HADH: variants seen among roughly 807,000 people sequenced by gnomAD.
HADH encodes the protein hydroxyacyl-CoA dehydrogenase.
A neutral mutation model predicts 32.2 loss-of-function variants in HADH; 24 were observed. The ratio of observed to expected loss-of-function variants is 0.75; its 90% CI spans 0.54 to 1.05. HADH has a LOEUF of 1.05. Ranked by LOEUF, HADH falls within the 50% of genes least tolerant of loss-of-function variation. The probability of loss-of-function intolerance (pLI) is 0.00; values close to 1 mark genes in which losing one functional copy is unlikely to be tolerated. For missense variants in HADH, 350 were observed against 397.1 expected, an observed-to-expected ratio of 0.88 and a Z score of 1.01; for synonymous variants, 139 against 152.5, an observed-to-expected ratio of 0.91 and a Z score of 0.65.
Position 108,032,348 on chromosome 4 carries a change from C to G in HADH, c.710-828C>G, listed in dbSNP as rs1354489987. Reference sequence around the variant, plus strand: ...ACAGACTTCCAAACGTGTGGTGATTCTAACTCGGGTTTGGGCTTTTCTTTA... The same window carrying G: ...ACAGACTTCCAAACGTGTGGTGATTGTAACTCGGGTTTGGGCTTTTCTTTA... On this transcript the variant is annotated intron_variant, in intron 6 of 7. Transcript: ENST00000309522. The G allele has an allele frequency of 4.4e-6, 7 of 1,601,692 alleles. No individual in the cohort carries two copies. The Admixed American group carries it at 1.2e-4, about 27-fold the overall frequency.
chr4:108,021,092 G>T (rs982726405), intron 4 of HADH, among the ~76,000 whole-genome samples: 2 of 152,156 alleles, frequency 1.3e-5, no homozygotes, highest in Non-Finnish European at 2.9e-5. Context: ...ATTGAAGAAT[G>T]AAGGGGAGGG....
intron 2 of HADH, among the ~76,000 whole-genome samples, chr4:108,013,400 A>G (rs1215681808): frequency 6.6e-6 from 1 of 152,130 alleles, no homozygotes; most frequent in African/African-American, 2.4e-5. Context: ...ACTTTCAGCT[A>G]ATTGTCTCCT....
rs558200035 is a variant in HADH at position 108,004,948 on chromosome 4, G to A, written c.133-4811G>A. 65 of 1,482,974 alleles carry A rather than the reference G, an allele frequency of 4.4e-5. No individual in the cohort carries two copies. In the African/African-American group the frequency reaches 8.5e-4, roughly 19 times the overall value. The allele number at this position is 1,482,974 out of a possible 1,614,324, so 91.9% of individuals were successfully genotyped here. On this transcript the variant is annotated intron_variant, in intron 1 of 7. Transcript: ENST00000309522. ...ATGACCCTAAACTAGTATTCAGGAT[G>A]TTATGTGGTACTAAAAGGAATGTTA...
chr4:108,000,913 T>C (rs1230288303), intron 1 of HADH, among the ~76,000 whole-genome samples: 4 of 152,200 alleles, frequency 2.6e-5, no homozygotes, highest in Admixed American at 2.0e-4. Flanking sequence ...TCAAGGCATG[T>C]GATAAGTACT....
intron 1 of HADH, among the ~76,000 whole-genome samples, chr4:108,005,603 C>T (rs1560726131): frequency 6.6e-6 from 1 of 152,156 alleles, no homozygotes; most frequent in Non-Finnish European, 1.5e-5. Flanking sequence ...GTCATATGCT[C>T]ATTTAATCCA....
At chr4:108,033,402 A>T in intron 7 of HADH, 110 bp downstream of exon 7, 1 of 741,740 alleles carries the variant, frequency 1.3e-6, no homozygotes, top group South Asian at 1.4e-5. Flanking sequence ...GACCTTCCAA[A>T]ATCCTGCCTC....
At chr4:107,992,471 C>A (rs73838291) in intron 1 of HADH, among the ~76,000 whole-genome samples, 1,602 of 152,318 alleles carry the variant, frequency 0.011, 25 homozygotes, top group African/African-American at 0.037. Flanking sequence ...CTTTATGCTC[C>A]TTGACCAACA....
At chr4:108,013,742 T>C (rs943980824) in intron 2 of HADH, among the ~76,000 whole-genome samples, 1 of 152,166 alleles carries the variant, frequency 6.6e-6, no homozygotes, top group Non-Finnish European at 1.5e-5. Flanking sequence ...AACATCTCAA[T>C]ATTTTTAAAT....
chr4:107,993,172 G>GCCCTTTTC (rs1242510676), intron 1 of HADH, among the ~76,000 whole-genome samples: 1 of 152,122 alleles, frequency 6.6e-6, no homozygotes. Context: ...CTGTCCTTTT[G>GCCCTTTTC]CCCTTTTCCC....
intron 5 of HADH, chr4:108,025,709 C>CA (rs1433343374): frequency 6.6e-6 from 1 of 152,056 alleles, no homozygotes; most frequent in Non-Finnish European, 1.5e-5. Flanking sequence ...GGCAACATGG[C>CA]AAAAACCCTC....
At chr4:108,029,398 G>A (rs1381747226) in intron 6 of HADH, 3 of 153,038 alleles carry the variant, frequency 2.0e-5, no homozygotes, top group East Asian at 3.9e-4. Context: ...AGGTTCCTTA[G>A]GTAGCAGAGT....
At chr4:107,993,027 A>G (rs530884265) in intron 1 of HADH, among the ~76,000 whole-genome samples, 1 of 152,368 alleles carries the variant, frequency 6.6e-6, no homozygotes, top group Non-Finnish European at 1.5e-5. Context: ...GTGGCAGAAT[A>G]GTCTCTTGAA....
intron 4 of HADH, among the ~76,000 whole-genome samples, chr4:108,020,173 A>G (rs765921537): frequency 6.6e-6 from 1 of 152,210 alleles, no homozygotes; most frequent in Non-Finnish European, 1.5e-5. Flanking sequence ...GATCAGAGCT[A>G]TTAAAACCAG....
At chr4:107,990,976 AG>A (rs1486345830) in intron 1 of HADH, among the ~76,000 whole-genome samples, 1 of 152,126 alleles carries the variant, frequency 6.6e-6, no homozygotes, top group Middle Eastern at 3.2e-3. Context: ...TCCTGACCAA[AG>A]GTGATCCGCC....
intron 1 of HADH, 147 bp downstream of exon 1, chr4:107,990,211 C>A: frequency 1.2e-6 from 1 of 826,668 alleles, no homozygotes; most frequent in Non-Finnish European, 1.9e-6. Context: ...TGAAATATCT[C>A]GCGTCTGGGC....
Position 108,033,285 on chromosome 4 carries a change from C to A in HADH, c.819C>A (p.Ile273=). ...DYVGLDTTKF[I]VDGWHEMDAE... ...TCGGACTGGATACTACGAAGTTCAT[C>A]GTGGATGGTAGGAATTGGAATTTTT... Residue 273 remains isoleucine, a synonymous_variant, in exon 7 of 8, where the codon ATC becomes ATA. Coordinates refer to ENST00000309522, the MANE Select transcript of HADH (RefSeq NM_005327.7). 1 of 1,502,848 alleles carries A rather than the reference C, an allele frequency of 6.7e-7. No individual in the cohort carries two copies. The highest frequency in any genetic ancestry group is 9.3e-7 in the Non-Finnish European group (1 of 1,078,616). 93.1% of individuals were successfully genotyped at this position (1,502,848 alleles called of 1,614,324 possible).
At chr4:108,031,216 T>C (rs972643578) in intron 6 of HADH, 10 of 152,476 alleles carry the variant, frequency 6.6e-5, no homozygotes, top group Admixed American at 5.9e-4. Flanking sequence ...GGCAAGAGTC[T>C]TGTCCTAGTG....
intron 1 of HADH, among the ~76,000 whole-genome samples, chr4:108,008,978 G>C (rs1415703522): frequency 6.6e-6 from 1 of 152,206 alleles, no homozygotes; most frequent in Non-Finnish European, 1.5e-5. Flanking sequence ...AGCTGGCTGT[G>C]TGTGAGCTTG....
In HADH at chr4:108,034,311, A is replaced by G. The variant is rs1434766455; in HGVS notation, c.899A>G (p.Asn300Ser). 1 of 1,613,292 alleles carries G rather than the reference A, an allele frequency of 6.2e-7. No individual in the cohort carries two copies. The highest frequency in any genetic ancestry group is 1.3e-5 in the African/African-American group (1 of 74,910). ...SPSLNKLVAE[N>S]KFGKKTGEGF... is the part of the protein sequence containing the mutation. ...TCCTTAAATAAGCTGGTAGCAGAGA[A>G]CAAGTTCGGCAAGAAGACTGGAGAA... The change falls in exon 8 of 8, where the codon AAC (asparagine) becomes AGC (serine). Residue 300 changes from asparagine to serine, a missense_variant. Coordinates refer to ENST00000309522, the MANE Select transcript of HADH (RefSeq NM_005327.7).
Sources: allele counts gnomAD v4.1 joint callset (sites outside exome capture counted in the v4.1 genomes callset), GRCh38; gene constraint gnomAD v4.1.1; transcripts MANE v1.5; gene names NCBI Gene and HGNC (gene_info 2026-07-23, HGNC 2026-07-21).